The following NLGN1 variants were observed in gnomAD, a reference collection of about 807,000 sequenced individuals.
NLGN1 encodes the protein neuroligin-1.
Under a neutral mutation model 65.5 loss-of-function variants are expected in NLGN1, and 12 were observed. That is an observed-to-expected ratio of 0.18 (90% CI 0.12 to 0.30). The LOEUF is 0.30. NLGN1 is among the 10% of genes least tolerant of loss of function. The pLI, the probability that NLGN1 is intolerant of heterozygous loss-of-function variation, is 1.00. For synonymous variants in NLGN1, 350 were observed against 359.5 expected, an observed-to-expected ratio of 0.97 and a Z score of 0.30; for missense variants, 750 against 1,007.1, an observed-to-expected ratio of 0.74 and a Z score of 3.46.
chr3:173,578,416 C>G (rs1167224023), intron 2 of NLGN1, among the ~76,000 whole-genome samples: 1 of 151,940 alleles, frequency 6.6e-6, no homozygotes, highest in Non-Finnish European at 1.5e-5. Flanking sequence ...AAAATCCTAT[C>G]CAAAAAAAGA....
chr3:174,014,752 C>G (rs568563110), intron 4 of NLGN1, among the ~76,000 whole-genome samples: 1 of 152,282 alleles, frequency 6.6e-6, no homozygotes, highest in Admixed American at 6.5e-5. Context: ...GTTATTCAAT[C>G]TTTCTGACCT....
rs536723178 is a variant in NLGN1, at chr3:173,950,275, G to A, written c.646+142443G>A. ...GTTTTAGCTCATGTATAAATATTAT[G>A]TAAGTATTTGCTGACATAAAAATAT... On this transcript the variant is annotated intron_variant, in intron 4 of 6. Coordinates refer to ENST00000457714, the Ensembl canonical transcript of NLGN1. Among the ~76,000 whole-genome samples, 7 of 152,206 alleles carry A rather than the reference G, an allele frequency of 4.6e-5. No individual in the cohort carries two copies. The South Asian group carries it at 1.5e-3, about 32-fold the overall frequency.
chr3:174,144,160 G>A (rs1209129402), intron 4 of NLGN1, among the ~76,000 whole-genome samples: 1 of 152,182 alleles, frequency 6.6e-6, no homozygotes, highest in Non-Finnish European at 1.5e-5. Context: ...GTGAGAACAT[G>A]CAGTGTTTGG....
intron 2 of NLGN1, among the ~76,000 whole-genome samples, chr3:173,521,466 C>G (rs1734748851): frequency 6.7e-6 from 1 of 148,214 alleles, no homozygotes; most frequent in African/African-American, 2.4e-5. Flanking sequence ...TATTGAACAC[C>G]CAAATGAGGC....
At chr3:173,618,298 G>A (rs747140405) in intron 3 of NLGN1, among the ~76,000 whole-genome samples, 7 of 152,094 alleles carry the variant, frequency 4.6e-5, no homozygotes, top group Admixed American at 6.5e-5. Context: ...ATGGGCTCAA[G>A]TGATCCTCCT....
chr3:174,128,449 T>A (rs1468353412), intron 4 of NLGN1, among the ~76,000 whole-genome samples: 3 of 152,320 alleles, frequency 2.0e-5, no homozygotes, highest in African/African-American at 7.2e-5. Flanking sequence ...TTCATTTGGA[T>A]CCTTACTTGA....
chr3:173,489,232 C>T (rs561814783), intron 2 of NLGN1, among the ~76,000 whole-genome samples: 5 of 152,034 alleles, frequency 3.3e-5, no homozygotes, highest in African/African-American at 9.7e-5. Context: ...TATCCCTCCC[C>T]CTTACCCCCA....
chr3:173,530,611 T>C (rs913610378), intron 2 of NLGN1, among the ~76,000 whole-genome samples: 2 of 152,208 alleles, frequency 1.3e-5, no homozygotes, highest in African/African-American at 4.8e-5. Flanking sequence ...TACTTTTTAT[T>C]GAAAGCTGTT....
intron 4 of NLGN1, among the ~76,000 whole-genome samples, chr3:174,262,134 T>C (rs1304100981): frequency 1.3e-5 from 1 of 76,642 alleles, no homozygotes; most frequent in Non-Finnish European, 2.4e-5. Flanking sequence ...AGGATATTGG[T>C]CTAAAATTCT....
At chr3:174,114,017 G>T (rs555989367) in intron 4 of NLGN1, among the ~76,000 whole-genome samples, 1 of 152,102 alleles carries the variant, frequency 6.6e-6, no homozygotes, top group Non-Finnish European at 1.5e-5. Context: ...TTTACCAGAT[G>T]CTCTCTTCTC....
intron 2 of NLGN1, among the ~76,000 whole-genome samples, chr3:173,583,681 C>G (rs1746771118): frequency 6.6e-6 from 1 of 152,172 alleles, no homozygotes; most frequent in Admixed American, 6.5e-5. Context: ...TGCATTGACT[C>G]TTTCTCTGGA....
intron 3 of NLGN1, among the ~76,000 whole-genome samples, 181 bp downstream of exon 3, chr3:173,605,774 A>G (rs1751312013): frequency 6.6e-6 from 1 of 152,094 alleles, no homozygotes; most frequent in Non-Finnish European, 1.5e-5. Context: ...AGTAGATTAC[A>G]TTGGCAAAGC....
At chr3:173,643,457 G>A (rs555122027) in intron 3 of NLGN1, among the ~76,000 whole-genome samples, 5 of 152,280 alleles carry the variant, frequency 3.3e-5, no homozygotes, top group African/African-American at 1.2e-4. Flanking sequence ...GCATACAGAA[G>A]AAGATAATAG....
chr3:173,581,189 T>C (rs1746340920), intron 2 of NLGN1, among the ~76,000 whole-genome samples: 1 of 152,044 alleles, frequency 6.6e-6, no homozygotes, highest in Non-Finnish European at 1.5e-5. Flanking sequence ...CCAGGGTGCA[T>C]TGAATAGTAT....
chr3:174,051,384 C>T (rs1051766780), intron 4 of NLGN1, among the ~76,000 whole-genome samples: 7 of 152,048 alleles, frequency 4.6e-5, no homozygotes, highest in Non-Finnish European at 1.0e-4. Context: ...ACTGATGAGA[C>T]GGTTCCATTC....
At chr3:173,626,067 A>T (rs904411386) in intron 3 of NLGN1, among the ~76,000 whole-genome samples, 2 of 152,076 alleles carry the variant, frequency 1.3e-5, no homozygotes, top group Non-Finnish European at 2.9e-5. Context: ...GTGCTATCCA[A>T]TAGAGCTTTC....
At chr3:173,641,808 T>C (rs1757458852) in intron 3 of NLGN1, among the ~76,000 whole-genome samples, 1 of 152,214 alleles carries the variant, frequency 6.6e-6, no homozygotes, top group South Asian at 2.1e-4. Flanking sequence ...TCCAATCTAC[T>C]TCCTGGTTTT....
Position 174,123,999 on chromosome 3 carries a change from G to A in NLGN1, c.647-151316G>A, listed in dbSNP as rs1261311587. 2.6e-5 allele frequency among the ~76,000 whole-genome samples: 4 copies of A among 152,150 alleles called. 1 individual carries two copies. The South Asian group carries it at 8.3e-4, about 32-fold the overall frequency. ...ACTCTATCTAGAGGTAGGGTCTTTAGGAGATAATTAAGATTAAATGGGGTC... is the reference window on the plus strand; with the variant it reads ...ACTCTATCTAGAGGTAGGGTCTTTAAGAGATAATTAAGATTAAATGGGGTC... On this transcript the variant is annotated intron_variant, in intron 4 of 6. Coordinates refer to ENST00000457714, the Ensembl canonical transcript of NLGN1.
At chr3:173,666,913 A>G (rs1467299437) in intron 3 of NLGN1, among the ~76,000 whole-genome samples, 1 of 152,190 alleles carries the variant, frequency 6.6e-6, no homozygotes, top group Non-Finnish European at 1.5e-5. Flanking sequence ...ACTCACATAA[A>G]AAGAAAATGT....
Sources: gnomAD v4.1 joint callset for allele counts (sites outside exome capture counted in the v4.1 genomes callset) on GRCh38, gnomAD v4.1.1 for gene constraint, MANE v1.5 for transcripts, NCBI Gene and HGNC (gene_info 2026-07-23, HGNC 2026-07-21) for gene names.